The following CYP4X1 variants were observed in gnomAD, a reference collection of about 807,000 sequenced individuals.
The protein encoded by CYP4X1 is cytochrome P450 family 4 subfamily X member 1.
Under a neutral mutation model 57.9 loss-of-function variants are expected in CYP4X1, and 44 were observed. The observed-to-expected ratio is 0.76, with a 90% CI of 0.60 to 0.98. CYP4X1 has a LOEUF of 0.98. Among genes scored for constraint, CYP4X1 ranks in the 50% least tolerant of loss-of-function variants. CYP4X1 has a pLI of 0.00. For synonymous variants in CYP4X1, 227 were observed against 228.6 expected (o/e 0.99, Z 0.06); for missense variants, 532 against 623.9 (o/e 0.85, Z 1.57).
downstream of CYP4X1, among the ~76,000 whole-genome samples, chr1:47,052,372 T>C (rs970356173): frequency 6.6e-6 from 1 of 152,182 alleles, no homozygotes; most frequent in Non-Finnish European, 1.5e-5. Flanking sequence ...ATACCTTATA[T>C]TTCTGTCACA....
chr1:47,028,540 T>C (rs556656463), intron 1 of CYP4X1, among the ~76,000 whole-genome samples: 2 of 152,216 alleles, frequency 1.3e-5, no homozygotes, highest in Non-Finnish European at 2.9e-5. Flanking sequence ...ACTAAATATA[T>C]GTAGTACCCG....
the CYP4X1 span, among the ~76,000 whole-genome samples, chr1:47,014,523 T>C: frequency 6.6e-6 from 1 of 152,386 alleles, no homozygotes; most frequent in South Asian, 2.1e-4. Flanking sequence ...ACTGCCCTCC[T>C]AATTTCTTCT....
Position 47,035,942 on chromosome 1 carries a change from T to A in CYP4X1, c.620+9T>A, listed in dbSNP as rs748366371. 13 of 1,612,626 alleles carry A rather than the reference T, an allele frequency of 8.1e-6. No homozygotes were observed. The East Asian group carries it at 2.2e-4, about 28-fold the overall frequency. Reference sequence around the variant, plus strand: ...AACTGCCAGACAAACAGGTCAGTGGTGGGAGAGCAAAAAAGATATTTCTTC... The same window carrying A: ...AACTGCCAGACAAACAGGTCAGTGGAGGGAGAGCAAAAAAGATATTTCTTC... On this transcript the variant is annotated intron_variant, in intron 5 of 11. Transcript: ENST00000371901.
chr1:47,010,454 A>G, the CYP4X1 span, among the ~76,000 whole-genome samples: 3 of 152,234 alleles, frequency 2.0e-5, no homozygotes, highest in Admixed American at 1.3e-4. Flanking sequence ...AGCCAATATC[A>G]TACTGAATGG....
the CYP4X1 span, among the ~76,000 whole-genome samples, chr1:47,016,487 G>A: frequency 1.3e-5 from 2 of 151,968 alleles, no homozygotes; most frequent in African/African-American, 2.4e-5. Context: ...GACTACAGGG[G>A]CCCACCACCA....
the CYP4X1 span, among the ~76,000 whole-genome samples, chr1:46,998,229 G>A: frequency 6.6e-6 from 1 of 152,038 alleles, no homozygotes; most frequent in East Asian, 1.9e-4. Context: ...AGACTGGAGT[G>A]CAATGGTGTG....
intron 8 of CYP4X1, among the ~76,000 whole-genome samples, chr1:47,041,821 T>C (rs1193081286): frequency 6.6e-6 from 1 of 152,162 alleles, no homozygotes; most frequent in East Asian, 1.9e-4. Context: ...CTGTTGACTA[T>C]ACTTCCAGAG....
upstream of CYP4X1, among the ~76,000 whole-genome samples, chr1:47,022,996 A>G (rs540193226): frequency 1.1e-4 from 16 of 152,264 alleles, no homozygotes; most frequent in African/African-American, 3.4e-4. Flanking sequence ...ACTCGAGTTT[A>G]TTTATGTTTC....
At position 47,023,941 on chromosome 1, in the gene CYP4X1, G is replaced by T. The variant is rs1438690064; in HGVS notation, c.124G>T (p.Asp42Tyr). Residue 42 changes from aspartate to tyrosine, a missense_variant, in exon 1 of 12, where the codon GAC becomes TAC. Coordinates refer to ENST00000371901, the MANE Select transcript of CYP4X1 (RefSeq NM_178033.2). ...LYLRRQRLLR[D>Y]LRPFPAPPTH... ...CCTGCGGAGGCAGCGGCTGCTGCGG[G>T]ACCTGCGCCCCTTCCCAGCGCCCCC... 13 of 1,613,302 alleles carry T rather than the reference G, an allele frequency of 8.1e-6. No homozygotes were observed. The highest frequency in any genetic ancestry group is 1.1e-5 in the Non-Finnish European group (13 of 1,179,934).
At chr1:46,988,461 C>T in the CYP4X1 span, among the ~76,000 whole-genome samples, 2 of 151,916 alleles carry the variant, frequency 1.3e-5, no homozygotes, top group African/African-American at 4.8e-5. Flanking sequence ...GAGGTACAAA[C>T]AGGAATGGTA....
chr1:46,987,692 C>T, the CYP4X1 span, among the ~76,000 whole-genome samples: 3 of 152,128 alleles, frequency 2.0e-5, no homozygotes, highest in African/African-American at 7.2e-5. Context: ...GTCTCTCAGA[C>T]CACAGTGCAA....
At chr1:46,972,627 ATTC>A in the CYP4X1 span, among the ~76,000 whole-genome samples, 2 of 152,016 alleles carry the variant, frequency 1.3e-5, no homozygotes, top group Non-Finnish European at 2.9e-5. Context: ...GTGTTTTATA[ATTC>A]TTCTTGTACA....
At chr1:47,031,573 A>C in intron 3 of CYP4X1, 93 bp downstream of exon 3, 3 of 1,428,252 alleles carry the variant, frequency 2.1e-6, no homozygotes, top group Non-Finnish European at 2.9e-6. Context: ...TCTGAATTCA[A>C]AAGCACAAAG....
chr1:46,965,622 G>A, the CYP4X1 span, among the ~76,000 whole-genome samples: 1 of 152,226 alleles, frequency 6.6e-6, no homozygotes, highest in Non-Finnish European at 1.5e-5. Flanking sequence ...GTACTGAGTT[G>A]TTGCTGGCCT....
intron 4 of CYP4X1, among the ~76,000 whole-genome samples, chr1:47,033,723 G>C (rs1002260356): frequency 3.9e-5 from 6 of 152,152 alleles, no homozygotes; most frequent in African/African-American, 1.4e-4. Context: ...GAAGAAAAAG[G>C]CTGACAGTTT....
downstream of CYP4X1, among the ~76,000 whole-genome samples, chr1:47,051,019 A>C (rs573538178): frequency 6.6e-6 from 1 of 152,184 alleles, no homozygotes; most frequent in South Asian, 2.1e-4. Flanking sequence ...ATCTACAATG[A>C]ACTCAAACAA....
At chr1:46,972,486 G>A in the CYP4X1 span, among the ~76,000 whole-genome samples, 1 of 152,142 alleles carries the variant, frequency 6.6e-6, no homozygotes, top group African/African-American at 2.4e-5. Context: ...GTTGTTAGTA[G>A]TTTGATAGGA....
chr1:46,985,112 C>A, the CYP4X1 span, among the ~76,000 whole-genome samples: 1 of 152,188 alleles, frequency 6.6e-6, no homozygotes, highest in Non-Finnish European at 1.5e-5. Flanking sequence ...CTGGGCAGAG[C>A]CCTCCACAGC....
At chr1:47,007,516 G>A in the CYP4X1 span, among the ~76,000 whole-genome samples, 1 of 152,226 alleles carries the variant, frequency 6.6e-6, no homozygotes, top group Non-Finnish European at 1.5e-5. Context: ...AAAAATCAGA[G>A]TGCCTCTCCT....
Sources: allele counts gnomAD v4.1 joint callset (sites outside exome capture counted in the v4.1 genomes callset), GRCh38; gene constraint gnomAD v4.1.1; transcripts MANE v1.5; gene names NCBI Gene and HGNC (gene_info 2026-07-23, HGNC 2026-07-21).